ARID4B: variants seen among roughly 807,000 people sequenced by gnomAD.
The protein encoded by ARID4B is AT-rich interactive domain-containing protein 4B.
A neutral mutation model predicts 147.5 loss-of-function variants in ARID4B; 26 were observed. That is an observed-to-expected ratio of 0.18 (90% CI 0.13 to 0.24). The LOEUF (loss-of-function observed/expected upper bound fraction) is 0.24, where lower values mean the gene tolerates loss of function less well. Among genes scored for constraint, ARID4B ranks in the 10% least tolerant of loss-of-function variants. ARID4B has a pLI of 1.00. For missense variants in ARID4B, 1,179 were observed against 1,511.5 expected (o/e 0.78, Z 3.65); for synonymous variants, 512 against 507.9 (o/e 1.01, Z -0.11).
intron 2 of ARID4B, among the ~76,000 whole-genome samples, chr1:235,286,153 G>A (rs1379041624): frequency 6.6e-6 from 1 of 152,030 alleles, no homozygotes; most frequent in Non-Finnish European, 1.5e-5. Context: ...GCCTGTTTCA[G>A]CCTCCCAAGT....
At chr1:235,310,636 C>A (rs1286396830) in intron 2 of ARID4B, among the ~76,000 whole-genome samples, 1 of 152,160 alleles carries the variant, frequency 6.6e-6, no homozygotes, top group Non-Finnish European at 1.5e-5. Flanking sequence ...GCTGGGGACA[C>A]TTCCTATAGA....
intron 2 of ARID4B, among the ~76,000 whole-genome samples, chr1:235,277,119 G>A (rs984893557): frequency 2.6e-5 from 4 of 152,204 alleles, no homozygotes; most frequent in Admixed American, 2.0e-4. Flanking sequence ...AGTGGCACAC[G>A]CCTATGGTCC....
At chr1:235,173,761 AAAAAAAAAAAATATATAT>A (rs1663573652) in intron 22 of ARID4B, among the ~76,000 whole-genome samples, 5 of 51,998 alleles carry the variant, frequency 9.6e-5, no homozygotes, top group African/African-American at 5.6e-4. Flanking sequence ...AAAAAAAAAA[AAAAAAAAAAAATATATAT>A]ATATATATAT....
chr1:235,211,739 T>C (rs1299789654), intron 17 of ARID4B, among the ~76,000 whole-genome samples: 1 of 152,164 alleles, frequency 6.6e-6, no homozygotes, highest in Non-Finnish European at 1.5e-5. Context: ...CCAGCTTTTT[T>C]CTTCCTAATT....
At chr1:235,247,217 A>G (rs1572070048) in intron 6 of ARID4B, among the ~76,000 whole-genome samples, 1 of 152,206 alleles carries the variant, frequency 6.6e-6, no homozygotes, top group South Asian at 2.1e-4. Flanking sequence ...GATTTCCAAG[A>G]AAACTGCCCA....
At chr1:235,222,147 A>G (rs971755024) in intron 13 of ARID4B, among the ~76,000 whole-genome samples, 3 of 151,970 alleles carry the variant, frequency 2.0e-5, no homozygotes, top group East Asian at 3.9e-4. Context: ...CCTGGGCTCC[A>G]GCAATCCCCT....
At chr1:235,173,440 T>C (rs945279525) in intron 22 of ARID4B, among the ~76,000 whole-genome samples, 9 of 152,134 alleles carry the variant, frequency 5.9e-5, no homozygotes, top group Admixed American at 5.9e-4. Flanking sequence ...AGACTGTGGA[T>C]AAATTTTTCT....
At chr1:235,199,540 G>C (rs1366618247) in intron 17 of ARID4B, among the ~76,000 whole-genome samples, 1 of 152,164 alleles carries the variant, frequency 6.6e-6, no homozygotes, top group African/African-American at 2.4e-5. Flanking sequence ...TTGCCAAAAA[G>C]CACTCCTGTG....
At chr1:235,205,244 G>A (rs890798397) in intron 17 of ARID4B, among the ~76,000 whole-genome samples, 2 of 151,946 alleles carry the variant, frequency 1.3e-5, no homozygotes, top group Non-Finnish European at 2.9e-5. Flanking sequence ...AAAAAATGAA[G>A]GACACAAAAC....
At chr1:235,237,953 C>T (rs1045525204) in intron 8 of ARID4B, among the ~76,000 whole-genome samples, 3 of 151,912 alleles carry the variant, frequency 2.0e-5, no homozygotes, top group African/African-American at 7.3e-5. Flanking sequence ...GAGTTGGAGA[C>T]CAGCCTGACC....
At chr1:235,268,143 AG>A (rs1305232143) in intron 2 of ARID4B, among the ~76,000 whole-genome samples, 2 of 152,164 alleles carry the variant, frequency 1.3e-5, no homozygotes, top group Non-Finnish European at 2.9e-5. Flanking sequence ...ATAGGGACAG[AG>A]GAGATAAGCT....
At chr1:235,220,636 A>G (rs1667399385) in intron 14 of ARID4B, 91 bp from the exon 15 acceptor site, 24 of 1,019,446 alleles carry the variant, frequency 2.4e-5, no homozygotes, top group Non-Finnish European at 3.2e-5. Context: ...TCTTTTGTCT[A>G]AACTCTCAGA....
intron 2 of ARID4B, among the ~76,000 whole-genome samples, chr1:235,270,155 C>G (rs1218544894): frequency 1.3e-5 from 2 of 152,062 alleles, no homozygotes; most frequent in African/African-American, 4.8e-5. Flanking sequence ...TCATGACAGG[C>G]GCCTGTAGTC....
At chr1:235,252,015 T>A (rs1669676896) in intron 6 of ARID4B, among the ~76,000 whole-genome samples, 1 of 152,196 alleles carries the variant, frequency 6.6e-6, no homozygotes, top group African/African-American at 2.4e-5. Flanking sequence ...TACCTCATAA[T>A]GTTGCAAATA....
intron 17 of ARID4B, among the ~76,000 whole-genome samples, chr1:235,199,712 T>A (rs892809465): frequency 3.9e-5 from 6 of 152,284 alleles, no homozygotes; most frequent in African/African-American, 1.2e-4. Context: ...GTGAGAATTT[T>A]GGTTGGGGAA....
At chr1:235,318,399 C>G (rs1178132454) in intron 2 of ARID4B, among the ~76,000 whole-genome samples, 2 of 152,010 alleles carry the variant, frequency 1.3e-5, no homozygotes, top group East Asian at 3.9e-4. Context: ...GTCTTGAACT[C>G]CTGACATCGT....
chr1:235,244,802 G>A (rs1349729901), intron 7 of ARID4B, among the ~76,000 whole-genome samples: 14 of 152,268 alleles, frequency 9.2e-5, no homozygotes, highest in African/African-American at 3.1e-4. Context: ...AATGGAAGAG[G>A]AAATGAAGGT....
intron 2 of ARID4B, among the ~76,000 whole-genome samples, chr1:235,296,632 G>T (rs1405879882): frequency 6.6e-6 from 1 of 151,438 alleles, no homozygotes; most frequent in African/African-American, 2.4e-5. Context: ...TAATTTTTTT[G>T]AGCTTTTTGT....
intron 6 of ARID4B, among the ~76,000 whole-genome samples, chr1:235,249,033 A>G (rs1054988038): frequency 4.6e-5 from 7 of 152,204 alleles, no homozygotes; most frequent in African/African-American, 1.4e-4. Context: ...AAATACAAAG[A>G]AAGAATACCA....
Sources: gnomAD v4.1 joint callset for allele counts (sites outside exome capture counted in the v4.1 genomes callset) on GRCh38, gnomAD v4.1.1 for gene constraint, MANE v1.5 for transcripts, NCBI Gene and HGNC (gene_info 2026-07-23, HGNC 2026-07-21) for gene names.